Variants in ODF2L observed in about 807,000 individuals in gnomAD.
ODF2L encodes outer dense fiber of sperm tails 2 like, also known as protein BCAP.
Under a neutral mutation model 86.3 loss-of-function variants are expected in ODF2L, and 76 were observed. The observed-to-expected ratio is 0.88, with a 90% CI of 0.73 to 1.07. The LOEUF (loss-of-function observed/expected upper bound fraction) is 1.07. Among genes scored for constraint, ODF2L ranks in the 50% least tolerant of loss-of-function variants. The pLI, the probability that ODF2L is intolerant of heterozygous loss-of-function variation, is 0.00. For synonymous variants in ODF2L, 241 were observed against 231.3 expected (o/e 1.04, Z -0.38); for missense variants, 748 against 717.4 (o/e 1.04, Z -0.49).
chr1:86,382,880 G>A, intron 6 of ODF2L, 51 bp downstream of exon 6: 1 of 841,198 alleles, frequency 1.2e-6, no homozygotes, highest in Non-Finnish European at 2.0e-6. Context: ...AAAAAAAAGG[G>A]AGTCAATATT....
chr1:86,365,817 A>T (rs1306614981), intron 11 of ODF2L, among the ~76,000 whole-genome samples: 4 of 152,180 alleles, frequency 2.6e-5, no homozygotes, highest in Non-Finnish European at 5.9e-5. Context: ...CAAGAGTGAG[A>T]CCTGGGTTTG....
exon 1 of ODF2L, chr1:86,396,111 A>AGG (rs1463987924): frequency 6.6e-6 from 1 of 152,470 alleles, no homozygotes; most frequent in East Asian, 1.9e-4. Context: ...CAGAGGCGCC[A>AGG]CGGCTGCTGC....
chr1:86,385,082 A>G (rs1660853333), intron 3 of ODF2L, among the ~76,000 whole-genome samples: 1 of 151,944 alleles, frequency 6.6e-6, no homozygotes, highest in Non-Finnish European at 1.5e-5. Flanking sequence ...CCTAATTTAA[A>G]CTTTAATATG....
exon 16 of ODF2L, chr1:86,354,545 T>C (rs201678364): frequency 5.0e-6 from 8 of 1,598,888 alleles, no homozygotes; most frequent in African/African-American, 1.3e-5. Flanking sequence ...GTCTTCCTTC[T>C]TCTAAAGCAG....
At chr1:86,379,768 C>T (rs563857279) in intron 7 of ODF2L, among the ~76,000 whole-genome samples, 47 of 152,254 alleles carry the variant, frequency 3.1e-4, no homozygotes, top group Admixed American at 9.2e-4. Context: ...AGTCATTATT[C>T]CAAGACCAAA....
chr1:86,373,610 G>T (rs576456724), intron 8 of ODF2L, among the ~76,000 whole-genome samples: 2 of 151,700 alleles, frequency 1.3e-5, no homozygotes, highest in South Asian at 4.2e-4. Flanking sequence ...GCCCAGGCTG[G>T]TCTTGAATTA....
At chr1:86,369,988 T>C (rs1450516023) in intron 10 of ODF2L, among the ~76,000 whole-genome samples, 3 of 152,178 alleles carry the variant, frequency 2.0e-5, no homozygotes, top group Non-Finnish European at 4.4e-5. Context: ...TGTATATTTT[T>C]TCTCATAAAC....
exon 6 of ODF2L, chr1:86,382,949 A>G (rs200936864): frequency 6.1e-5 from 96 of 1,562,840 alleles, no homozygotes; most frequent in Non-Finnish European, 8.3e-5. Context: ...TCTGAAACAA[A>G]CAAGAAAGTT....
intron 7 of ODF2L, among the ~76,000 whole-genome samples, chr1:86,381,615 GAA>G (rs1222984226): frequency 7.7e-5 from 11 of 142,776 alleles, no homozygotes; most frequent in African/African-American, 2.8e-4. Context: ...GCCTTTGGCG[GAA>G]AAAAAAAAAG....
chr1:86,393,564 G>A (rs549023064), intron 1 of ODF2L, among the ~76,000 whole-genome samples: 79 of 152,310 alleles, frequency 5.2e-4, no homozygotes, highest in African/African-American at 1.9e-3. Flanking sequence ...AAGATGGGCT[G>A]CAGACTGGAT....
At chr1:86,373,706 C>T (rs1659974296) in intron 8 of ODF2L, among the ~76,000 whole-genome samples, 1 of 151,996 alleles carries the variant, frequency 6.6e-6, no homozygotes, top group Non-Finnish European at 1.5e-5. Context: ...AAACTATCCC[C>T]AATTCCACAG....
At chr1:86,381,526 G>T (rs1306520854) in intron 7 of ODF2L, among the ~76,000 whole-genome samples, 1 of 151,900 alleles carries the variant, frequency 6.6e-6, no homozygotes, top group Non-Finnish European at 1.5e-5. Flanking sequence ...AAACCAAACA[G>T]AAATCTAACT....
chr1:86,370,729 T>C (rs973340741), intron 10 of ODF2L, among the ~76,000 whole-genome samples: 3 of 152,262 alleles, frequency 2.0e-5, no homozygotes, highest in South Asian at 4.1e-4. Context: ...TTATATCCTA[T>C]TGTAACCATG....
chr1:86,380,043 T>C lies in ODF2L; in HGVS notation c.624+2199A>G, dbSNP rs186372056. Among the ~76,000 whole-genome samples the C allele has an allele frequency of 3.0e-4, 46 of 152,326 alleles. 1 individual carries two copies. In the East Asian group the frequency reaches 8.5e-3, roughly 28 times the overall value. Reference sequence around the variant, plus strand: ...TTAAGTATCTATTAAAGACTTATGATTTTAATGTTTTTACATTTTCAAAAC... The same window carrying C: ...TTAAGTATCTATTAAAGACTTATGACTTTAATGTTTTTACATTTTCAAAAC... On this transcript the variant is annotated intron_variant, in intron 7 of 17. Coordinates refer to ENST00000317336, the Ensembl canonical transcript of ODF2L.
chr1:86,386,754 C>T (rs1295862309), intron 2 of ODF2L, 161 bp downstream of exon 2: 3 of 444,732 alleles, frequency 6.7e-6, no homozygotes, highest in Non-Finnish European at 1.2e-5. Context: ...TAGATGAGTA[C>T]ACTTGTAATC....
chr1:86,355,511 A>ACT (rs10676142), intron 14 of ODF2L: 425,345 of 622,624 alleles, frequency 0.68, 147,241 homozygotes, highest in East Asian at 0.85. Flanking sequence ...AGGAATTTAA[A>ACT]CTAAAATTTT....
rs368892545 is a variant in ODF2L at position 86,395,092 on chromosome 1, C to T, written c.-60+941G>A. ...TCTCCTAACCTCGTGATCCGCCCGC[C>T]TCGGCCTCCCAAAGTGCTGGGATTA... On this transcript the variant is annotated intron_variant, in intron 1 of 17. Transcript: ENST00000317336. Among the ~76,000 whole-genome samples, 254 of 152,286 alleles carry T rather than the reference C, an allele frequency of 1.7e-3. 1 individual carries two copies. Among genetic ancestry groups the T allele is most frequent in the African/African-American group, 5.6e-3 (234 of 41,572 alleles).
chr1:86,357,911 T>C, intron 13 of ODF2L: 1 of 984,972 alleles, frequency 1.0e-6, no homozygotes, highest in Non-Finnish European at 1.2e-6. Context: ...TTTGCACTGG[T>C]ATGTTTCATG....
chr1:86,373,274 C>T (rs1659934723), intron 8 of ODF2L, among the ~76,000 whole-genome samples: 1 of 149,036 alleles, frequency 6.7e-6, no homozygotes, highest in Non-Finnish European at 1.5e-5. Context: ...AATTTCTTTT[C>T]TTTTTACTGA....
Sources: allele counts gnomAD v4.1 joint callset (sites outside exome capture counted in the v4.1 genomes callset), GRCh38; gene constraint gnomAD v4.1.1; transcripts MANE v1.5; gene names NCBI Gene and HGNC (gene_info 2026-07-23, HGNC 2026-07-21).